CELF2: variants seen among roughly 807,000 people sequenced by gnomAD.
CELF2 encodes the protein CUG triplet repeat RNA-binding protein 2.
Under a neutral mutation model 62.6 loss-of-function variants are expected in CELF2, and 8 were observed. The ratio of observed to expected loss-of-function variants is 0.13; its 90% CI spans 0.07 to 0.23. The LOEUF (loss-of-function observed/expected upper bound fraction) is 0.23, where lower values mean the gene tolerates loss of function less well. CELF2 is among the 10% of genes least tolerant of loss of function. CELF2 has a pLI of 1.00. For synonymous variants in CELF2, 258 were observed against 250.0 expected, an observed-to-expected ratio of 1.03 and a Z score of -0.30; for missense variants, 333 against 671.0, an observed-to-expected ratio of 0.50 and a Z score of 5.56.
the CELF2 span, among the ~76,000 whole-genome samples, chr10:10,564,686 A>ACACG: frequency 4.7e-4 from 55 of 117,592 alleles, no homozygotes; most frequent in African/African-American, 1.8e-3. Flanking sequence ...ACACACGCAC[A>ACACG]CACACACACA....
chr10:10,712,637 C>G, the CELF2 span, among the ~76,000 whole-genome samples: 2 of 152,182 alleles, frequency 1.3e-5, no homozygotes, highest in Admixed American at 6.5e-5. Context: ...CAACTCCTAC[C>G]TGGCATCTTC....
chr10:11,000,004 C>T (rs201109), intron 2 of CELF2, among the ~76,000 whole-genome samples: 45,075 of 152,108 alleles, frequency 0.3, 12,013 homozygotes, highest in African/African-American at 0.71. Flanking sequence ...AAATATTAAA[C>T]GCCTAACTTA....
At chr10:10,484,772 C>G in the CELF2 span, among the ~76,000 whole-genome samples, 1 of 151,972 alleles carries the variant, frequency 6.6e-6, no homozygotes, top group Non-Finnish European at 1.5e-5. Flanking sequence ...ATTAAACATA[C>G]CAAATAAAAT....
At chr10:11,288,358 T>C (rs2091856259) in intron 8 of CELF2, 60 bp from the exon 9 acceptor site, 1 of 1,592,110 alleles carries the variant, frequency 6.3e-7, no homozygotes, top group Non-Finnish European at 8.6e-7. Flanking sequence ...CCTGCTCTTG[T>C]TTGGAAACTG....
chr10:11,087,805 AC>A (rs1472410525), intron 1 of CELF2, among the ~76,000 whole-genome samples: 1 of 152,018 alleles, frequency 6.6e-6, no homozygotes. Flanking sequence ...TCAAAATTTC[AC>A]CTCAGACTTC....
chr10:10,894,396 G>C (rs532124150), intron 1 of CELF2, among the ~76,000 whole-genome samples: 24 of 152,318 alleles, frequency 1.6e-4, no homozygotes, highest in African/African-American at 5.8e-4. Context: ...ACTAAGCTTT[G>C]ATATTGTAAG....
chr10:10,501,927 G>A, the CELF2 span, among the ~76,000 whole-genome samples: 1 of 152,138 alleles, frequency 6.6e-6, no homozygotes, highest in African/African-American at 2.4e-5. Context: ...TTTTTAGCAA[G>A]CAAAGAAGTT....
At chr10:10,496,849 G>C in the CELF2 span, among the ~76,000 whole-genome samples, 375 of 152,134 alleles carry the variant, frequency 2.5e-3, no homozygotes, top group African/African-American at 6.4e-3. Context: ...AATAATGAAG[G>C]GAAGGAAGAT....
chr10:10,744,145 A>G, the CELF2 span, among the ~76,000 whole-genome samples: 3 of 152,194 alleles, frequency 2.0e-5, no homozygotes, highest in African/African-American at 7.2e-5. Context: ...TCTCAAGCCC[A>G]TGTATACGAG....
At chr10:11,281,390 G>A (rs2088680190) in intron 8 of CELF2, among the ~76,000 whole-genome samples, 1 of 152,210 alleles carries the variant, frequency 6.6e-6, no homozygotes. Flanking sequence ...ACGAGGGTCT[G>A]TCTGGTCACT....
the CELF2 span, among the ~76,000 whole-genome samples, chr10:10,474,456 A>G: frequency 6.6e-6 from 1 of 152,130 alleles, no homozygotes; most frequent in Non-Finnish European, 1.5e-5. Context: ...GGCTTTGCAG[A>G]CCATAATGTC....
chr10:10,597,860 T>C, the CELF2 span, among the ~76,000 whole-genome samples: 1 of 152,186 alleles, frequency 6.6e-6, no homozygotes, highest in Non-Finnish European at 1.5e-5. Context: ...TTCTCTTAAA[T>C]ATTCCCCAGT....
chr10:10,521,231 C>G, the CELF2 span, among the ~76,000 whole-genome samples: 1 of 152,152 alleles, frequency 6.6e-6, no homozygotes, highest in South Asian at 2.1e-4. Context: ...TATGACGACT[C>G]AGTGAGCACA....
chr10:11,005,375 T>C lies in CELF2; in HGVS notation c.-13T>C, dbSNP rs2055053612. 4 of 1,613,530 alleles carry C rather than the reference T, an allele frequency of 2.5e-6. No individual in the cohort carries two copies. Among genetic ancestry groups the C allele is most frequent in the Non-Finnish European group, 3.4e-6 (4 of 1,179,734 alleles). ...TCTGAACTGGCTTTTGTTGAGACTA[T>C]CAGTATAGAAGCATGCGCTGTCCCA... On this transcript the variant is annotated 5_prime_UTR_variant, in exon 1 of 13. Coordinates refer to the CELF2 transcript ENST00000416382. This position sits in a 1 kb window ranked among gnomAD's most constrained non-coding sequence, Gnocchi z 4.3.
At chr10:11,264,317 G>A (rs2081560984) in intron 5 of CELF2, among the ~76,000 whole-genome samples, 1 of 152,210 alleles carries the variant, frequency 6.6e-6, no homozygotes. Context: ...TGTGGCAAAT[G>A]CATAAACTGT....
intron 2 of CELF2, among the ~76,000 whole-genome samples, chr10:11,206,246 G>A (rs755130115): frequency 6.6e-6 from 1 of 152,174 alleles, no homozygotes; most frequent in Non-Finnish European, 1.5e-5. Flanking sequence ...AGACTTGAGA[G>A]ATCGGCCTGG....
At chr10:11,232,431 G>C (rs1481023324) in intron 3 of CELF2, among the ~76,000 whole-genome samples, 2 of 152,000 alleles carry the variant, frequency 1.3e-5, no homozygotes, top group African/African-American at 4.8e-5. Context: ...CCGTGATCTT[G>C]GGGGGAAAAA....
chr10:11,209,018 A>G (rs1490951706), intron 2 of CELF2, among the ~76,000 whole-genome samples: 2 of 152,172 alleles, frequency 1.3e-5, no homozygotes, highest in Non-Finnish European at 1.5e-5. Context: ...AAAAGGCTGG[A>G]GGAGCAGTAC....
At chr10:10,769,210 G>A in the CELF2 span, among the ~76,000 whole-genome samples, 1 of 152,116 alleles carries the variant, frequency 6.6e-6, no homozygotes, top group African/African-American at 2.4e-5. Flanking sequence ...TGAACTCAAA[G>A]TCTATCAGGC....
Sources: gnomAD v4.1 joint callset for allele counts (sites outside exome capture counted in the v4.1 genomes callset) on GRCh38, gnomAD v4.1.1 for gene constraint, Gnocchi (gnomAD v3.1) non-coding constraint, MANE v1.5 for transcripts, NCBI Gene and HGNC (gene_info 2026-07-23, HGNC 2026-07-21) for gene names.